C1QTNF3: variants seen among roughly 807,000 people sequenced by gnomAD.
C1QTNF3 encodes the protein complement C1q tumor necrosis factor-related protein 3.
Under a neutral mutation model 32.6 loss-of-function variants are expected in C1QTNF3, and 26 were observed. That is an observed-to-expected ratio of 0.80 (90% CI 0.58 to 1.11). The LOEUF (loss-of-function observed/expected upper bound fraction) is 1.11. C1QTNF3 is among the 50% of genes least tolerant of loss of function. The pLI is 0.00. For missense variants in C1QTNF3, 362 were observed against 398.2 expected, an observed-to-expected ratio of 0.91 and a Z score of 0.77; for synonymous variants, 155 against 146.0, an observed-to-expected ratio of 1.06 and a Z score of -0.44.
the C1QTNF3 span, among the ~76,000 whole-genome samples, chr5:34,216,364 A>C: frequency 4.4e-4 from 67 of 152,362 alleles, no homozygotes; most frequent in African/African-American, 1.6e-3. Flanking sequence ...TTCAATCAGC[A>C]AATTGCTGGT....
At chr5:34,161,015 T>G in the C1QTNF3 span, among the ~76,000 whole-genome samples, 1 of 152,212 alleles carries the variant, frequency 6.6e-6, no homozygotes, top group African/African-American at 2.4e-5. Context: ...GTGATTCATA[T>G]GCATACATTT....
At chr5:34,054,338 G>A in the C1QTNF3 span, among the ~76,000 whole-genome samples, 1 of 152,200 alleles carries the variant, frequency 6.6e-6, no homozygotes, top group Non-Finnish European at 1.5e-5. Context: ...GATAAACACA[G>A]TTCTGTATCT....
the C1QTNF3 span, among the ~76,000 whole-genome samples, chr5:34,185,074 C>G: frequency 1.3e-5 from 2 of 152,212 alleles, no homozygotes. Context: ...TGGCCAGGCA[C>G]AGTGGCTAAT....
chr5:34,156,377 A>T, the C1QTNF3 span, among the ~76,000 whole-genome samples: 76,297 of 152,052 alleles, frequency 0.5, 20,955 homozygotes, highest in Non-Finnish European at 0.61. Flanking sequence ...GGCTTCCAAA[A>T]CTTATATAAC....
At chr5:34,136,505 T>C in the C1QTNF3 span, among the ~76,000 whole-genome samples, 1 of 152,146 alleles carries the variant, frequency 6.6e-6, no homozygotes, top group African/African-American at 2.4e-5. Context: ...AAACAACAGA[T>C]GCTGGAAAGG....
chr5:34,201,317 G>T, the C1QTNF3 span, among the ~76,000 whole-genome samples: 2 of 152,030 alleles, frequency 1.3e-5, no homozygotes, highest in African/African-American at 4.8e-5. Flanking sequence ...TACAAACACA[G>T]GTGGAATGGA....
At chr5:34,110,924 AATT>A in the C1QTNF3 span, among the ~76,000 whole-genome samples, 2,275 of 152,204 alleles carry the variant, frequency 0.015, 60 homozygotes, top group African/African-American at 0.052. Context: ...AAAAAAAAAA[AATT>A]ATTAGAAGAT....
the C1QTNF3 span, among the ~76,000 whole-genome samples, chr5:34,209,607 T>C: frequency 1.3e-5 from 2 of 152,242 alleles, no homozygotes; most frequent in Admixed American, 1.3e-4. Context: ...AGACTATCTC[T>C]AGCAATAGCT....
the C1QTNF3 span, among the ~76,000 whole-genome samples, chr5:34,073,282 G>A: frequency 2.0e-5 from 3 of 151,148 alleles, no homozygotes; most frequent in Non-Finnish European, 2.9e-5. Context: ...AGCCGAGATC[G>A]CGCCACTGCA....
At chr5:34,024,052 T>C (rs370084211) in intron 4 of C1QTNF3, 44 bp from the exon 5 acceptor site, 2 of 1,475,982 alleles carry the variant, frequency 1.4e-6, no homozygotes, top group African/African-American at 2.8e-5. Flanking sequence ...TAACATGTTA[T>C]ACATTGAGGA....
chr5:34,160,300 A>T, the C1QTNF3 span, among the ~76,000 whole-genome samples: 1 of 152,184 alleles, frequency 6.6e-6, no homozygotes, highest in Non-Finnish European at 1.5e-5. Flanking sequence ...TTTCTGTTTG[A>T]AATCATTAGT....
At chr5:34,143,184 G>C in the C1QTNF3 span, among the ~76,000 whole-genome samples, 2 of 152,144 alleles carry the variant, frequency 1.3e-5, no homozygotes, top group Non-Finnish European at 2.9e-5. Flanking sequence ...GAATCTCAGA[G>C]CTCAGTAACT....
chr5:34,050,937 C>A, the C1QTNF3 span, among the ~76,000 whole-genome samples: 1 of 152,170 alleles, frequency 6.6e-6, no homozygotes, highest in Non-Finnish European at 1.5e-5. Context: ...GTTCTTCTGT[C>A]TTTCAGATAA....
At chr5:34,031,199 G>A (rs886942387) in intron 3 of C1QTNF3, among the ~76,000 whole-genome samples, 1 of 152,196 alleles carries the variant, frequency 6.6e-6, no homozygotes, top group African/African-American at 2.4e-5. Context: ...GAAACTGAGT[G>A]TAAGTTAGAT....
chr5:34,175,786 C>T, the C1QTNF3 span: 43 of 704,948 alleles, frequency 6.1e-5, no homozygotes, highest in African/African-American at 5.6e-4. Context: ...AAAATGAGGA[C>T]GGGTACATTA....
At chr5:34,175,892 G>A in the C1QTNF3 span, 8 of 810,294 alleles carry the variant, frequency 9.9e-6, no homozygotes, top group African/African-American at 8.4e-5. Flanking sequence ...GTTTTTGATT[G>A]AGACCCAGAT....
the C1QTNF3 span, among the ~76,000 whole-genome samples, chr5:34,101,392 C>T: frequency 1.3e-5 from 2 of 152,072 alleles, no homozygotes; most frequent in South Asian, 4.2e-4. Context: ...TTTTCAGAAG[C>T]CTCATAAGGT....
At chr5:34,175,291 C>T in the C1QTNF3 span, among the ~76,000 whole-genome samples, 1 of 146,080 alleles carries the variant, frequency 6.8e-6, no homozygotes, top group South Asian at 2.2e-4. Context: ...GCAATCCTCC[C>T]ACCTTGGCCT....
At chr5:34,125,921 G>A in the C1QTNF3 span, among the ~76,000 whole-genome samples, 1 of 152,136 alleles carries the variant, frequency 6.6e-6, no homozygotes, top group African/African-American at 2.4e-5. Context: ...ATTATTATGT[G>A]ACTATTTGAG....
Sources: allele counts gnomAD v4.1 joint callset (sites outside exome capture counted in the v4.1 genomes callset), GRCh38; gene constraint gnomAD v4.1.1; transcripts MANE v1.5; gene names NCBI Gene and HGNC (gene_info 2026-07-23, HGNC 2026-07-21).